HTR1F: variants seen among roughly 807,000 people sequenced by gnomAD.
HTR1F encodes the protein 5-hydroxytryptamine (serotonin) receptor 1F, G protein-coupled.
Under a neutral mutation model 24.0 loss-of-function variants are expected in HTR1F, and 17 were observed. That is an observed-to-expected ratio of 0.71 (90% CI 0.48 to 1.06). HTR1F has a LOEUF of 1.06. Among genes scored for constraint, HTR1F ranks in the 50% least tolerant of loss-of-function variants. HTR1F has a pLI of 0.00. For synonymous variants in HTR1F, 186 were observed against 156.8 expected, an observed-to-expected ratio of 1.19 and a Z score of -1.39; for missense variants, 391 against 427.8, an observed-to-expected ratio of 0.91 and a Z score of 0.76.
At chr3:87,977,519 C>T (rs1378077477) in intron 2 of HTR1F, among the ~76,000 whole-genome samples, 4 of 151,110 alleles carry the variant, frequency 2.6e-5, no homozygotes, top group Non-Finnish European at 4.4e-5. Flanking sequence ...CTGCCTCAGC[C>T]TCCTGAGTAG....
At chr3:87,831,263 A>G (rs1175899872) in intron 2 of HTR1F, among the ~76,000 whole-genome samples, 5 of 151,346 alleles carry the variant, frequency 3.3e-5, no homozygotes, top group Admixed American at 2.6e-4. Flanking sequence ...GGTCTACAAA[A>G]TAAATAACAA....
At chr3:87,802,747 A>C (rs1314349768) in intron 1 of HTR1F, among the ~76,000 whole-genome samples, 1 of 152,178 alleles carries the variant, frequency 6.6e-6, no homozygotes, top group East Asian at 1.9e-4. Flanking sequence ...CATGCTTACA[A>C]GCAAGGGTAG....
intron 2 of HTR1F, among the ~76,000 whole-genome samples, chr3:87,900,040 T>C (rs1312097729): frequency 6.6e-6 from 1 of 151,576 alleles, no homozygotes; most frequent in African/African-American, 2.4e-5. Flanking sequence ...TAAGTAGTAT[T>C]AATATAAAGA....
intron 2 of HTR1F, among the ~76,000 whole-genome samples, chr3:87,943,147 T>G (rs767868330): frequency 2.0e-5 from 3 of 152,236 alleles, no homozygotes; most frequent in Non-Finnish European, 4.4e-5. Flanking sequence ...GGGTCTACAC[T>G]GGCAACTGCC....
chr3:87,978,713 T>C (rs1246935366), intron 2 of HTR1F, among the ~76,000 whole-genome samples: 2 of 151,628 alleles, frequency 1.3e-5, no homozygotes, highest in East Asian at 2.0e-4. Flanking sequence ...AGGATTTTTA[T>C]AGGCTTCAGA....
chr3:87,977,437 C>T (rs1337659626), intron 2 of HTR1F, among the ~76,000 whole-genome samples: 15 of 130,832 alleles, frequency 1.1e-4, no homozygotes, highest in African/African-American at 2.6e-4. Flanking sequence ...CTCACTCTGT[C>T]GCCCAGGCTG....
At chr3:87,801,555 G>A (rs1703989788) in intron 1 of HTR1F, among the ~76,000 whole-genome samples, 1 of 152,176 alleles carries the variant, frequency 6.6e-6, no homozygotes, top group African/African-American at 2.4e-5. Flanking sequence ...GATCTGGTCT[G>A]GAAAGGTGGG....
chr3:87,893,544 A>C (rs1287054894), intron 2 of HTR1F, among the ~76,000 whole-genome samples: 1 of 152,230 alleles, frequency 6.6e-6, no homozygotes, highest in Non-Finnish European at 1.5e-5. Context: ...AGACTGCTAG[A>C]GGTAGGCACA....
chr3:87,826,546 TA>T (rs1384010786), intron 2 of HTR1F, among the ~76,000 whole-genome samples: 1 of 152,146 alleles, frequency 6.6e-6, no homozygotes, highest in Non-Finnish European at 1.5e-5. Context: ...ATACATCCCG[TA>T]AACGCCCATT....
At chr3:87,820,722 A>G (rs1416985362) in intron 1 of HTR1F, among the ~76,000 whole-genome samples, 1 of 152,154 alleles carries the variant, frequency 6.6e-6, no homozygotes, top group Non-Finnish European at 1.5e-5. Flanking sequence ...TTAATTTAAT[A>G]AATTTATTAT....
intron 1 of HTR1F, among the ~76,000 whole-genome samples, chr3:87,801,748 T>C (rs1235415845): frequency 6.6e-6 from 1 of 152,188 alleles, no homozygotes; most frequent in Non-Finnish European, 1.5e-5. Context: ...CTAAGCAGCT[T>C]GCAGCTTGAG....
chr3:87,929,872 T>C (rs1704219181), intron 2 of HTR1F, among the ~76,000 whole-genome samples: 1 of 152,200 alleles, frequency 6.6e-6, no homozygotes. Context: ...TAGCATTGGA[T>C]CTACAGATTG....
intron 1 of HTR1F, among the ~76,000 whole-genome samples, chr3:87,806,024 G>T (rs1286079496): frequency 6.6e-6 from 1 of 151,868 alleles, no homozygotes; most frequent in Admixed American, 6.6e-5. Context: ...TTGTCTCTGT[G>T]TCTGGCTTAT....
At chr3:87,858,661 G>GT (rs148531115) in intron 2 of HTR1F, among the ~76,000 whole-genome samples, 4,288 of 147,858 alleles carry the variant, frequency 0.029, 191 homozygotes, top group African/African-American at 0.093. Flanking sequence ...GATATTCTCG[G>GT]TTTTTTTTTT....
chr3:87,854,899 C>A (rs55838662), intron 2 of HTR1F, among the ~76,000 whole-genome samples: 7,753 of 151,828 alleles, frequency 0.051, 245 homozygotes, highest in Middle Eastern at 0.092. Flanking sequence ...TTGTTTTGTT[C>A]CTGAATGTTT....
intron 2 of HTR1F, among the ~76,000 whole-genome samples, chr3:87,928,170 G>A (rs536730401): frequency 1.5e-4 from 22 of 150,334 alleles, no homozygotes; most frequent in Admixed American, 2.0e-4. Flanking sequence ...CTCAACCTCC[G>A]AAGTAGCTGG....
chr3:87,930,978 A>G (rs1704249479), intron 2 of HTR1F, among the ~76,000 whole-genome samples: 1 of 149,126 alleles, frequency 6.7e-6, no homozygotes, highest in Non-Finnish European at 1.5e-5. Context: ...AGCTCAAATA[A>G]CTCTATGTCA....
At chr3:87,972,997 C>T (rs1337804951) in intron 2 of HTR1F, among the ~76,000 whole-genome samples, 2 of 89,200 alleles carry the variant, frequency 2.2e-5, no homozygotes, top group Non-Finnish European at 5.0e-5. Context: ...TCCATCTCTA[C>T]TAAAATACAA....
At chr3:87,915,847 G>A (rs1703880500) in intron 2 of HTR1F, among the ~76,000 whole-genome samples, 1 of 152,068 alleles carries the variant, frequency 6.6e-6, no homozygotes, top group African/African-American at 2.4e-5. Flanking sequence ...AATACAAGAA[G>A]CACACAGAAC....
Sources: allele counts gnomAD v4.1 joint callset (sites outside exome capture counted in the v4.1 genomes callset), GRCh38; gene constraint gnomAD v4.1.1; transcripts MANE v1.5; gene names NCBI Gene and HGNC (gene_info 2026-07-23, HGNC 2026-07-21).